The following MRTFB variants were observed in gnomAD, a reference collection of about 807,000 sequenced individuals.
MRTFB encodes myocardin-related transcription factor B.
In MRTFB, 29 loss-of-function variants were observed where a neutral mutation model predicts 104.2. The ratio of observed to expected loss-of-function variants is 0.28; its 90% confidence interval spans 0.21 to 0.38. The LOEUF (loss-of-function observed/expected upper bound fraction) is 0.38. MRTFB is among the 10% of genes least tolerant of loss of function. MRTFB has a pLI of 1.00. For missense variants in MRTFB, 1,270 were observed against 1,341.6 expected (o/e 0.95, Z 0.83); for synonymous variants, 535 against 519.5 (o/e 1.03, Z -0.41).
intron 7 of MRTFB, among the ~76,000 whole-genome samples, chr16:14,217,685 G>T (rs1188298500): frequency 6.6e-6 from 1 of 152,142 alleles, no homozygotes; most frequent in Non-Finnish European, 1.5e-5. Context: ...TTTAAGATAG[G>T]ATATTAACTT....
intron 3 of MRTFB, among the ~76,000 whole-genome samples, chr16:14,196,463 G>A (rs1398306679): frequency 6.6e-6 from 1 of 152,200 alleles, no homozygotes; most frequent in Non-Finnish European, 1.5e-5. Context: ...TATACCACCT[G>A]CCACTTCCCC....
chr16:14,202,669 C>A (rs529443922), intron 3 of MRTFB, among the ~76,000 whole-genome samples: 98 of 152,282 alleles, frequency 6.4e-4, no homozygotes, highest in Non-Finnish European at 1.1e-3. Flanking sequence ...ATAGCCACCA[C>A]CATTTTAAAC....
chr16:14,171,786 CAT>C (rs772146869), intron 3 of MRTFB, among the ~76,000 whole-genome samples: 73 of 152,266 alleles, frequency 4.8e-4, no homozygotes, highest in Non-Finnish European at 8.1e-4. Flanking sequence ...TACATTTAAA[CAT>C]GTGAACTTTA....
At chr16:14,144,624 A>G (rs1389666713) in intron 3 of MRTFB, 1 of 152,144 alleles carries the variant, frequency 6.6e-6, no homozygotes, top group Non-Finnish European at 1.5e-5. Context: ...TCCACAGTGC[A>G]TACATATTTC....
chr16:14,110,856 C>T (rs753758499), intron 2 of MRTFB, among the ~76,000 whole-genome samples: 2 of 152,190 alleles, frequency 1.3e-5, no homozygotes, highest in Non-Finnish European at 2.9e-5. Context: ...TGAATCCCTC[C>T]TTTCCCATCC....
At chr16:14,178,108 A>G (rs2039647913) in intron 3 of MRTFB, among the ~76,000 whole-genome samples, 1 of 152,174 alleles carries the variant, frequency 6.6e-6, no homozygotes, top group South Asian at 2.1e-4. Flanking sequence ...GGAGAGGTGT[A>G]ATACACTGAT....
intron 4 of MRTFB, among the ~76,000 whole-genome samples, chr16:14,211,957 G>A (rs1490836715): frequency 6.6e-6 from 1 of 152,140 alleles, no homozygotes; most frequent in Non-Finnish European, 1.5e-5. Flanking sequence ...GACACAAAGT[G>A]CAGTGTGATG....
the MRTFB span, among the ~76,000 whole-genome samples, chr16:14,012,213 A>G: frequency 1.4e-5 from 2 of 141,150 alleles, no homozygotes; most frequent in South Asian, 2.2e-4. Context: ...CGACCTTGAC[A>G]TTTTCTTTTT....
intron 3 of MRTFB, among the ~76,000 whole-genome samples, chr16:14,171,067 A>G (rs1036157644): frequency 4.6e-5 from 7 of 152,170 alleles, no homozygotes; most frequent in East Asian, 1.9e-4. Flanking sequence ...GCTAGCTTCT[A>G]TGTCCTTTTG....
At chr16:14,011,878 A>G in the MRTFB span, among the ~76,000 whole-genome samples, 1 of 151,614 alleles carries the variant, frequency 6.6e-6, no homozygotes, top group South Asian at 2.1e-4. Flanking sequence ...TCTCACAAAT[A>G]ATAATAATAA....
intron 9 of MRTFB, 91 bp from the exon 10 acceptor site, chr16:14,240,146 C>A: frequency 7.0e-7 from 1 of 1,438,738 alleles, no homozygotes; most frequent in South Asian, 1.5e-5. Context: ...AGGTACATTT[C>A]TTTTTAATTT....
chr16:14,106,434 T>G (rs771857013), intron 2 of MRTFB, among the ~76,000 whole-genome samples: 1 of 152,218 alleles, frequency 6.6e-6, no homozygotes, highest in Non-Finnish European at 1.5e-5. Flanking sequence ...CCTATACTGT[T>G]AAGAAATATT....
intron 2 of MRTFB, among the ~76,000 whole-genome samples, chr16:14,134,047 G>T (rs748614023): frequency 3.3e-5 from 5 of 152,126 alleles, no homozygotes; most frequent in African/African-American, 9.7e-5. Flanking sequence ...TCAAAAAATG[G>T]TGTTTACTTA....
chr16:14,025,103 A>G, the MRTFB span, among the ~76,000 whole-genome samples: 1 of 152,244 alleles, frequency 6.6e-6, no homozygotes, highest in African/African-American at 2.4e-5. Context: ...AAAGTTCAAA[A>G]CTTCAAAGGG....
At chr16:14,016,916 A>T in the MRTFB span, among the ~76,000 whole-genome samples, 1 of 152,180 alleles carries the variant, frequency 6.6e-6, no homozygotes, top group African/African-American at 2.4e-5. Context: ...ATCATAAGCA[A>T]TTGGTTTAAC....
Position 14,163,089 on chromosome 16 carries a change from T to G in MRTFB, c.154+22329T>G, listed in dbSNP as rs75565751. On this transcript the variant is annotated intron_variant, in intron 3 of 16. Transcript: ENST00000571589. ...CATTTCAGAATTACACCACCAACAA[T>G]ATTACTACTGCTAACAAATCTATTA... 8.0e-3 allele frequency among the ~76,000 whole-genome samples: 1,215 copies of G among 152,312 alleles called. 15 individuals carry two copies. The highest frequency in any genetic ancestry group is 0.027 in the African/African-American group (1,127 of 41,572).
In MRTFB at chr16:14,243,864, G is replaced by GTT. The variant is rs56296807; in HGVS notation, c.1080-1652_1080-1651dup. Among the ~76,000 whole-genome samples the GTT allele has an allele frequency of 9.6e-5, 12 of 124,662 alleles. 1 individual carries two copies. The highest frequency in any genetic ancestry group is 1.3e-4 in the Non-Finnish European group (8 of 63,242). The allele number at this position is 124,662 out of a possible 152,430, so 81.8% of individuals were successfully genotyped here. A position where few individuals can be genotyped will look rare whatever the true frequency, so the allele number is the denominator to read the frequency against. On this transcript the variant is annotated intron_variant, in intron 10 of 16. Transcript: ENST00000571589. The stretch of plus-strand genomic sequence containing the variant: ...CAGAGATTAGTTTTGCCTGTTTTGG[G>GTT]TTTTTTTTTTTTTGAGACAGAGTCT...
intron 3 of MRTFB, among the ~76,000 whole-genome samples, chr16:14,155,047 C>A (rs2038777747): frequency 6.6e-6 from 1 of 152,226 alleles, no homozygotes; most frequent in African/African-American, 2.4e-5. Context: ...GGCTGCCCAT[C>A]ACAATTGAGT....
chr16:14,042,901 T>C, the MRTFB span, among the ~76,000 whole-genome samples: 1 of 152,186 alleles, frequency 6.6e-6, no homozygotes. Flanking sequence ...GCCTGGATGC[T>C]TTCCACTGGC....
Sources: allele counts gnomAD v4.1 joint callset (sites outside exome capture counted in the v4.1 genomes callset), GRCh38; gene constraint gnomAD v4.1.1; transcripts MANE v1.5; gene names NCBI Gene and HGNC (gene_info 2026-07-23, HGNC 2026-07-21).